Variants in RNF144B observed in about 807,000 individuals in gnomAD.
RNF144B encodes the protein ring finger protein 144B.
A neutral mutation model predicts 40.2 loss-of-function variants in RNF144B; 25 were observed. The ratio of observed to expected loss-of-function variants is 0.62; its 90% CI spans 0.45 to 0.87. The LOEUF is 0.87. Among genes scored for constraint, RNF144B ranks in the 40% least tolerant of loss-of-function variants. The pLI is 0.00. For synonymous variants in RNF144B, 145 were observed against 136.3 expected, an observed-to-expected ratio of 1.06 and a Z score of -0.44; for missense variants, 365 against 373.7, an observed-to-expected ratio of 0.98 and a Z score of 0.19.
chr6:18,432,900 G>C (rs1310617682), intron 3 of RNF144B, among the ~76,000 whole-genome samples: 1 of 152,210 alleles, frequency 6.6e-6, no homozygotes, highest in Non-Finnish European at 1.5e-5. Context: ...GGTGGGTGCA[G>C]CTGAATGGAG....
At chr6:18,439,828 A>C (rs1249455469) in intron 4 of RNF144B, 84 bp downstream of exon 4, 1 of 884,446 alleles carries the variant, frequency 1.1e-6, no homozygotes, top group Non-Finnish European at 1.9e-6. Context: ...AGATAAAGGC[A>C]GCTATGGGCT....
chr6:18,408,284 T>C (rs2147219), intron 2 of RNF144B, among the ~76,000 whole-genome samples: 97,953 of 152,052 alleles, frequency 0.64, 31,822 homozygotes, highest in Non-Finnish European at 0.69. Flanking sequence ...TGTACCCAGC[T>C]TGAGATTTTT....
intron 3 of RNF144B, among the ~76,000 whole-genome samples, chr6:18,433,127 A>G (rs969775422): frequency 6.6e-6 from 1 of 152,208 alleles, no homozygotes; most frequent in Non-Finnish European, 1.5e-5. Flanking sequence ...CTCTGCCTCC[A>G]CTTGCCATCT....
Position 18,407,370 on chromosome 6 carries a change from A to G in RNF144B, c.165+7671A>G, listed in dbSNP as rs150070671. Reference sequence around the variant, plus strand: ...ATGTCTTTGGGCAGTCTATTGGGTCATTTTCTTTCATGTAATATAGGGATA... The same window carrying G: ...ATGTCTTTGGGCAGTCTATTGGGTCGTTTTCTTTCATGTAATATAGGGATA... On this transcript the variant is annotated intron_variant, in intron 2 of 7. Transcript: ENST00000259939. Among the ~76,000 whole-genome samples, 65 of 152,246 alleles carry G rather than the reference A, an allele frequency of 4.3e-4. No homozygotes were observed. The East Asian group carries it at 0.012, about 28-fold the overall frequency.
chr6:18,399,435 C>A, intron 1 of RNF144B, 64 bp from the exon 2 acceptor site: 4 of 1,159,796 alleles, frequency 3.4e-6, no homozygotes, highest in Non-Finnish European at 3.6e-6. Flanking sequence ...GGCCTCCAGA[C>A]GTGTTGGCTA....
intron 3 of RNF144B, among the ~76,000 whole-genome samples, chr6:18,430,202 G>T (rs755223542): frequency 3.3e-5 from 5 of 152,194 alleles, no homozygotes; most frequent in South Asian, 2.1e-4. Flanking sequence ...GTTCAATCAT[G>T]CTAGTCAGTA....
At chr6:18,396,688 T>C (rs1336778437) in intron 1 of RNF144B, 1 of 985,256 alleles carries the variant, frequency 1.0e-6, no homozygotes, top group African/African-American at 1.7e-5. Context: ...GCATAAGCAG[T>C]GAAGCAGCGT....
At chr6:18,420,021 A>T (rs868577963) in intron 2 of RNF144B, among the ~76,000 whole-genome samples, 33 of 152,234 alleles carry the variant, frequency 2.2e-4, no homozygotes, top group African/African-American at 7.5e-4. Flanking sequence ...AGAACAGAGG[A>T]TGGATGTGTG....
chr6:18,388,791 A>G (rs1463316312), intron 1 of RNF144B, among the ~76,000 whole-genome samples: 1 of 146,258 alleles, frequency 6.8e-6, no homozygotes, highest in Non-Finnish European at 1.5e-5. Flanking sequence ...CTGCCCTTGC[A>G]CACCTTTGAC....
intron 2 of RNF144B, among the ~76,000 whole-genome samples, chr6:18,426,611 T>C (rs1488426829): frequency 1.3e-5 from 2 of 152,112 alleles, no homozygotes; most frequent in African/African-American, 4.8e-5. Context: ...CCCTCTTCTC[T>C]CTGGGTTTCT....
intron 2 of RNF144B, among the ~76,000 whole-genome samples, chr6:18,403,022 A>G (rs1048397791): frequency 9.9e-5 from 15 of 152,222 alleles, no homozygotes; most frequent in African/African-American, 9.7e-5. Context: ...AAGATGTAGC[A>G]TAATTACTTG....
intron 2 of RNF144B, among the ~76,000 whole-genome samples, chr6:18,426,645 G>C (rs1299135392): frequency 6.6e-6 from 1 of 151,364 alleles, no homozygotes; most frequent in Non-Finnish European, 1.5e-5. Context: ...TTTCTTCTCT[G>C]GGCTTCTTTT....
rs1031144800 is a variant in RNF144B, at chr6:18,414,919, C to A, written c.166-12662C>A. Among the ~76,000 whole-genome samples, 1 of 152,124 alleles carries A rather than the reference C, an allele frequency of 6.6e-6. No individual in the cohort carries two copies. The highest frequency in any genetic ancestry group is 1.9e-4 in the East Asian group (1 of 5,194). On this transcript the variant is annotated intron_variant, in intron 2 of 7. Coordinates refer to ENST00000259939, the MANE Select transcript of RNF144B (RefSeq NM_182757.4). This position sits in a 1 kb window ranked among gnomAD's most constrained non-coding sequence, Gnocchi z 4.9. Reference sequence around the variant, plus strand: ...TACCTGTAGAGTTATCCCTTGGTATCTTCAGGATATTGGTTCCAAGCCCCT... The same window carrying A: ...TACCTGTAGAGTTATCCCTTGGTATATTCAGGATATTGGTTCCAAGCCCCT...
At chr6:18,394,506 G>T (rs747871104) in intron 1 of RNF144B, among the ~76,000 whole-genome samples, 7 of 151,942 alleles carry the variant, frequency 4.6e-5, no homozygotes, top group Non-Finnish European at 8.8e-5. Flanking sequence ...GCTGAGGCAG[G>T]AGAATTGGTT....
Position 18,410,925 on chromosome 6 carries a change from A to G in RNF144B, c.165+11226A>G, listed in dbSNP as rs576901194. 5.9e-5 allele frequency among the ~76,000 whole-genome samples: 9 copies of G among 151,484 alleles called. No homozygotes were observed. The South Asian group carries it at 1.7e-3, about 28-fold the overall frequency. ...GTATTTAAATTATTTTTGTGCCCCA[A>G]TTTCTCTTTTTTCCTATCCATTTGG... On this transcript the variant is annotated intron_variant, in intron 2 of 7. Coordinates refer to ENST00000259939, the MANE Select transcript of RNF144B (RefSeq NM_182757.4). This position sits in a 1 kb window ranked among gnomAD's most constrained non-coding sequence, Gnocchi z 4.6.
chr6:18,392,897 G>A (rs1394797980), intron 1 of RNF144B, among the ~76,000 whole-genome samples: 2 of 152,052 alleles, frequency 1.3e-5, no homozygotes, highest in African/African-American at 4.8e-5. Context: ...AAAAAGGGCA[G>A]ATCATGAGGT....
chr6:18,448,510 A>G lies in RNF144B; in HGVS notation c.332-8645A>G, dbSNP rs1017770513. Among the ~76,000 whole-genome samples, 6 of 152,132 alleles carry G rather than the reference A, an allele frequency of 3.9e-5. No individual in the cohort carries two copies. The highest frequency in any genetic ancestry group is 1.4e-4 in the African/African-American group (6 of 41,410). On this transcript the variant is annotated intron_variant, in intron 4 of 7. Coordinates refer to ENST00000259939, the MANE Select transcript of RNF144B (RefSeq NM_182757.4). This position sits in a 1 kb window ranked among gnomAD's most constrained non-coding sequence, Gnocchi z 4.0. ...AAGGAGGAGCTTTATGTAATATGAA[A>G]GTATAGCGAACCTAGCAATATTGAA...
intron 4 of RNF144B, among the ~76,000 whole-genome samples, chr6:18,440,159 T>C (rs1249683084): frequency 6.6e-6 from 1 of 152,202 alleles, no homozygotes; most frequent in Admixed American, 6.5e-5. Flanking sequence ...ACCTGTTTTT[T>C]TGATACTACT....
rs574283920 is a variant in RNF144B, at chr6:18,457,567, G to C, written c.536+208G>C. Reference sequence around the variant, plus strand: ...GCCCCAGAGGAATCTTCCAGATATTGCTGGAATTAAAGTTTGTATGAGTTT... The same window carrying C: ...GCCCCAGAGGAATCTTCCAGATATTCCTGGAATTAAAGTTTGTATGAGTTT... On this transcript the variant is annotated intron_variant, in intron 5 of 7. Transcript: ENST00000259939. This position sits in a 1 kb window ranked among gnomAD's most constrained non-coding sequence, Gnocchi z 5.1. 6.6e-6 allele frequency among the ~76,000 whole-genome samples: 1 copy of C among 152,246 alleles called. No homozygotes were observed. The highest frequency in any genetic ancestry group is 2.1e-4 in the South Asian group (1 of 4,826).
Sources: allele counts gnomAD v4.1 joint callset (sites outside exome capture counted in the v4.1 genomes callset), GRCh38; gene constraint gnomAD v4.1.1; non-coding constraint Gnocchi (gnomAD v3.1); transcripts MANE v1.5; gene names NCBI Gene and HGNC (gene_info 2026-07-23, HGNC 2026-07-21).